SPTBN1: variants seen among roughly 807,000 people sequenced by gnomAD.
The protein encoded by SPTBN1 is spectrin beta chain, non-erythrocytic 1.
Under a neutral mutation model 266.4 loss-of-function variants are expected in SPTBN1, and 32 were observed. The observed-to-expected ratio is 0.12, with a 90% CI of 0.09 to 0.16. The LOEUF (loss-of-function observed/expected upper bound fraction) is 0.16. SPTBN1 is among the 10% of genes least tolerant of loss of function. The probability of loss-of-function intolerance (pLI) is 1.00; values close to 1 mark genes in which losing one functional copy is unlikely to be tolerated. For synonymous variants in SPTBN1, 1,336 were observed against 1,162.2 expected, an observed-to-expected ratio of 1.15 and a Z score of -3.04; for missense variants, 2,296 against 3,067.1, an observed-to-expected ratio of 0.75 and a Z score of 5.94.
In SPTBN1 at chr2:54,522,697, G is replaced by GAGAGAAAGAGAAAGAA. The variant is rs1553439438; in HGVS notation, c.-47-3672_-47-3671insGAAAGAGAAAGAAAGA. ...GAGAGAGGAGAGAGAGAGAGAGAGA[G>GAGAGAAAGAGAAAGAA]AGAAAGAAAGAAAGGAAAGAAAGAA... On this transcript the variant is annotated intron_variant, in intron 1 of 35. Transcript: ENST00000356805. 9.7e-4 allele frequency among the ~76,000 whole-genome samples: 94 copies of GAGAGAAAGAGAAAGAA among 97,290 alleles called. 1 individual carries two copies. Among genetic ancestry groups the GAGAGAAAGAGAAAGAA allele is most frequent in the South Asian group, 3.4e-3 (11 of 3,230 alleles). The allele number at this position is 97,290 out of a possible 152,430, so 63.8% of individuals were successfully genotyped here.
At chr2:54,606,792 T>C (rs1676872896) in intron 3 of SPTBN1, among the ~76,000 whole-genome samples, 1 of 152,184 alleles carries the variant, frequency 6.6e-6, no homozygotes, top group Non-Finnish European at 1.5e-5. Context: ...CAGGCATCCC[T>C]TTCTCGGATA....
At chr2:54,655,739 A>G (rs1164116813) in intron 28 of SPTBN1, among the ~76,000 whole-genome samples, 175 bp from the exon 29 acceptor site, 2 of 152,260 alleles carry the variant, frequency 1.3e-5, no homozygotes, top group Non-Finnish European at 1.5e-5. Flanking sequence ...TGGAAGGAGC[A>G]GTGCTATGCT....
intron 1 of SPTBN1, among the ~76,000 whole-genome samples, chr2:54,486,522 GCATGCTCGTTAAGAGTCATCAC>G (rs1464345658): frequency 6.6e-6 from 1 of 152,106 alleles, no homozygotes; most frequent in African/African-American, 2.4e-5. Flanking sequence ...CTTGAAGGCA[GCATGCTCGTTAAGAGTCATCAC>G]CACTCCCTAA....
intron 1 of SPTBN1, among the ~76,000 whole-genome samples, chr2:54,468,836 A>G (rs1247454682): frequency 6.6e-6 from 1 of 152,220 alleles, no homozygotes; most frequent in Admixed American, 6.5e-5. Context: ...TGCTTCGGAC[A>G]ACATCTGATT....
intron 2 of SPTBN1, among the ~76,000 whole-genome samples, chr2:54,572,371 T>C (rs1270380066): frequency 6.6e-6 from 1 of 152,226 alleles, no homozygotes; most frequent in Non-Finnish European, 1.5e-5. Flanking sequence ...TGTGGCAGCT[T>C]ATTCAGATTT....
chr2:54,629,536 A>G lies in SPTBN1; in HGVS notation c.2402A>G (p.Asp801Gly). The change falls in exon 14 of 36, where the codon GAC (aspartate) becomes GGC (glycine). Residue 801 changes from aspartate to glycine, a missense_variant. Physicochemically the swap from Asp to Gly is moderately conservative, Grantham distance 94. Transcript: ENST00000356805. ...ATCGCCAATTACAGGCCCACCCTTG[A>G]CACGCTGCACGAACAAGCCAGCGCC... ...EEIANYRPTL[D>G]TLHEQASALP... The G allele has an allele frequency of 6.2e-7, 1 of 1,614,116 alleles. No individual in the cohort carries two copies. Among genetic ancestry groups the G allele is most frequent in the Non-Finnish European group, 8.5e-7 (1 of 1,180,032 alleles).
intron 29 of SPTBN1, 40 bp from the exon 30 acceptor site, chr2:54,657,810 C>G (rs1310056703): frequency 2.5e-6 from 4 of 1,612,958 alleles, no homozygotes; most frequent in Non-Finnish European, 3.4e-6. Context: ...TGCCCGGCAC[C>G]TCCTGGTCAA....
rs776118712 is a variant in SPTBN1, at chr2:54,558,922, G to T, written c.148+32356G>T. ...CTCCCAAAGGCCGGGCCTGTCCTGG[G>T]TGCCAACGGGGGTTCTTGGAGGCTT... On this transcript the variant is annotated intron_variant, in intron 2 of 35. Coordinates refer to ENST00000356805, the MANE Select transcript of SPTBN1 (RefSeq NM_003128.3). The surrounding 1 kb of genome is among the most constrained non-coding windows in gnomAD (Gnocchi z 4.6). 7 of 1,602,064 alleles carry T rather than the reference G, an allele frequency of 4.4e-6. No homozygotes were observed. The highest frequency in any genetic ancestry group is 6.0e-6 in the Non-Finnish European group (7 of 1,173,576).
intron 2 of SPTBN1, among the ~76,000 whole-genome samples, chr2:54,575,442 G>A (rs957460079): frequency 6.6e-6 from 1 of 152,226 alleles, no homozygotes; most frequent in Admixed American, 6.5e-5. Flanking sequence ...TTGCAAGAGC[G>A]TAACATTGGA....
rs1681642737 is a variant in SPTBN1 at position 54,670,214 on chromosome 2, A to G, written c.*1645A>G. ...TACAGATCAGACCAAAAAGAAGAAA[A>G]AAAAAAAACAGGCAAGAGGTTAGGT... On this transcript the variant is annotated 3_prime_UTR_variant, in exon 36 of 36. Coordinates refer to ENST00000356805, the MANE Select transcript of SPTBN1 (RefSeq NM_003128.3). 1 of 152,996 alleles carries G rather than the reference A, an allele frequency of 6.5e-6. No homozygotes were observed. Among genetic ancestry groups the G allele is most frequent in the African/African-American group, 2.4e-5 (1 of 41,462 alleles). The allele number at this position is 152,996 out of a possible 1,614,324, so 9.5% of individuals were successfully genotyped here. A position where few individuals can be genotyped will look rare whatever the true frequency, so the allele number is the denominator to read the frequency against.
At position 54,655,887 on chromosome 2, in the gene SPTBN1, G is replaced by A. The variant is rs371915581; in HGVS notation, c.5962-27G>A. On this transcript the variant is annotated intron_variant, in intron 28 of 35. Transcript: ENST00000356805. Reference sequence around the variant, plus strand: ...AGGATGTGGTGCATTCCATTAAGATGTCCCGGGGATCCTCTTTTTCATACA... The same window carrying A: ...AGGATGTGGTGCATTCCATTAAGATATCCCGGGGATCCTCTTTTTCATACA... 4 of 1,583,548 alleles carry A rather than the reference G, an allele frequency of 2.5e-6. No homozygotes were observed. The African/African-American group carries it at 5.4e-5, about 21-fold the overall frequency.
chr2:54,457,668 C>T (rs1693130810), intron 1 of SPTBN1, among the ~76,000 whole-genome samples: 1 of 152,204 alleles, frequency 6.6e-6, no homozygotes, highest in African/African-American at 2.4e-5. Context: ...CGGGGCTTGG[C>T]ACGGCCGCTC....
chr2:54,609,490 A>G (rs993650429), intron 3 of SPTBN1, among the ~76,000 whole-genome samples: 2 of 152,194 alleles, frequency 1.3e-5, no homozygotes, highest in African/African-American at 2.4e-5. Context: ...CAATGATGGC[A>G]TCTTCAGTGG....
At chr2:54,487,510 G>A (rs145392400) in intron 1 of SPTBN1, among the ~76,000 whole-genome samples, 67 of 152,190 alleles carry the variant, frequency 4.4e-4, no homozygotes, top group Admixed American at 1.4e-3. Context: ...CATTTTCTCT[G>A]AGAAGCCTTC....
At chr2:54,612,510 T>G (rs1046419567) in intron 4 of SPTBN1, among the ~76,000 whole-genome samples, 176 bp downstream of exon 4, 10 of 152,200 alleles carry the variant, frequency 6.6e-5, no homozygotes, top group Non-Finnish European at 1.3e-4. Context: ...CGTAGGCACG[T>G]GGAAGCTACT....
intron 2 of SPTBN1, among the ~76,000 whole-genome samples, chr2:54,547,642 C>T (rs1164260357): frequency 1.3e-5 from 2 of 151,984 alleles, no homozygotes; most frequent in African/African-American, 2.4e-5. Context: ...ATTCAAAATA[C>T]GATATAATGG....
At chr2:54,473,535 C>T (rs1379142182) in intron 1 of SPTBN1, among the ~76,000 whole-genome samples, 1 of 151,636 alleles carries the variant, frequency 6.6e-6, no homozygotes, top group South Asian at 2.1e-4. Flanking sequence ...CACACACATA[C>T]ACACACATCC....
chr2:54,531,025 G>T (rs988989634), intron 2 of SPTBN1, among the ~76,000 whole-genome samples: 1 of 151,924 alleles, frequency 6.6e-6, no homozygotes, highest in Non-Finnish European at 1.5e-5. Flanking sequence ...GGGGTGCCCT[G>T]AGAGGACATG....
chr2:54,657,537 G>T (rs1264436524), intron 29 of SPTBN1, among the ~76,000 whole-genome samples: 1 of 152,196 alleles, frequency 6.6e-6, no homozygotes, highest in Non-Finnish European at 1.5e-5. Flanking sequence ...GAAGAAAAAA[G>T]ATTGTAACAG....
Sources: gnomAD v4.1 joint callset for allele counts (sites outside exome capture counted in the v4.1 genomes callset) on GRCh38, gnomAD v4.1.1 for gene constraint, Gnocchi (gnomAD v3.1) non-coding constraint, MANE v1.5 for transcripts, NCBI Gene and HGNC (gene_info 2026-07-23, HGNC 2026-07-21) for gene names.